Variants in PLB1 observed in about 807,000 individuals in gnomAD.
The protein encoded by PLB1 is phospholipase B1, membrane-associated.
In PLB1, 242 loss-of-function variants were observed where a neutral mutation model predicts 227.4. The observed-to-expected ratio is 1.06, with a 90% CI of 0.96 to 1.18. The LOEUF (loss-of-function observed/expected upper bound fraction) is 1.18, where lower values mean the gene tolerates loss of function less well. Among genes scored for constraint, PLB1 ranks in the 50% most tolerant of loss-of-function variants. The pLI, the probability that PLB1 is intolerant of heterozygous loss-of-function variation, is 0.00. For missense variants in PLB1, 1,858 were observed against 1,816.3 expected, an observed-to-expected ratio of 1.02 and a Z score of -0.42; for synonymous variants, 757 against 682.2, an observed-to-expected ratio of 1.11 and a Z score of -1.71.
At chr2:28,512,607 T>A (rs941581238) in intron 1 of PLB1, among the ~76,000 whole-genome samples, 1 of 151,648 alleles carries the variant, frequency 6.6e-6, no homozygotes, top group African/African-American at 2.4e-5. Context: ...ATAACTTGCC[T>A]GGACTTAAAC....
chr2:28,500,777 C>G (rs1193576668), intron 1 of PLB1, among the ~76,000 whole-genome samples: 1 of 152,114 alleles, frequency 6.6e-6, no homozygotes, highest in East Asian at 1.9e-4. Flanking sequence ...AAAAGAAATT[C>G]ACTTATGGAC....
chr2:28,520,787 A>G (rs536521400), intron 4 of PLB1, among the ~76,000 whole-genome samples: 10 of 152,282 alleles, frequency 6.6e-5, no homozygotes, highest in African/African-American at 2.4e-4. Context: ...AGCCTGTCCA[A>G]CATGGTGAAA....
At position 28,599,889 on chromosome 2, in the gene PLB1, C is replaced by T. The variant is rs1231779135; in HGVS notation, c.2475-920C>T. On this transcript the variant is annotated intron_variant, in intron 35 of 57. Transcript: ENST00000327757. ...CTTGCCTCCCAAAGTACTTGGATTA[C>T]AGGCATGAGCCACTGCACCTGGCCT... 2.6e-5 allele frequency among the ~76,000 whole-genome samples: 4 copies of T among 152,130 alleles called. No individual in the cohort carries two copies. In the East Asian group the frequency reaches 7.7e-4, roughly 29 times the overall value.
chr2:28,630,455 G>A (rs761473404), intron 53 of PLB1, 131 bp from the exon 54 acceptor site: 37 of 652,992 alleles, frequency 5.7e-5, no homozygotes, highest in Non-Finnish European at 8.3e-5. Flanking sequence ...GTCACCCCCC[G>A]CCCTAGGTAA....
At position 28,574,395 on chromosome 2, in the gene PLB1, T is replaced by G. The variant is rs1409830285; in HGVS notation, c.1433+1090T>G. On this transcript the variant is annotated intron_variant, in intron 21 of 57. Transcript: ENST00000327757. ...TCCATTATATCATTCTTTTTTTTTT[T>G]TTTTTGAGACAGGGTCTTGCTCTGT... Among the ~76,000 whole-genome samples, 4 of 139,740 alleles carry G rather than the reference T, an allele frequency of 2.9e-5. No individual in the cohort carries two copies. In the East Asian group the frequency reaches 8.2e-4, roughly 29 times the overall value. The allele number at this position is 139,740 out of a possible 152,430, so 91.7% of individuals were successfully genotyped here. A position where few individuals can be genotyped will look rare whatever the true frequency, so the allele number is the denominator to read the frequency against.
At chr2:28,521,668 A>G (rs987604812) in intron 4 of PLB1, among the ~76,000 whole-genome samples, 1 of 152,200 alleles carries the variant, frequency 6.6e-6, no homozygotes. Context: ...GAACAGAGAA[A>G]GAGGGATCTG....
chr2:28,626,355 C>T (rs540768783), intron 50 of PLB1, 73 bp from the exon 51 acceptor site: 80 of 1,281,940 alleles, frequency 6.2e-5, no homozygotes, highest in Admixed American at 3.8e-4. Context: ...GGAGGGCGGG[C>T]GGGCTGGCCC....
At chr2:28,502,025 A>G (rs987786936) in intron 1 of PLB1, among the ~76,000 whole-genome samples, 4 of 152,204 alleles carry the variant, frequency 2.6e-5, no homozygotes, top group African/African-American at 9.6e-5. Context: ...GGGTGAACAC[A>G]CATATAGATT....
chr2:28,501,331 A>G (rs1667074563), intron 1 of PLB1, among the ~76,000 whole-genome samples: 1 of 152,198 alleles, frequency 6.6e-6, no homozygotes, highest in Non-Finnish European at 1.5e-5. Context: ...ACAACAAATG[A>G]AGTTCAAAAT....
chr2:28,604,221 GCC>G (rs2148303517), intron 40 of PLB1, among the ~76,000 whole-genome samples, 174 bp downstream of exon 40: 1 of 152,314 alleles, frequency 6.6e-6, no homozygotes, highest in Non-Finnish European at 1.5e-5. Context: ...TGTCTCAGGT[GCC>G]CTGGTTGGAA....
chr2:28,589,875 A>G (rs1681584113), intron 28 of PLB1, 105 bp downstream of exon 28: 7 of 1,348,986 alleles, frequency 5.2e-6, no homozygotes, highest in East Asian at 4.6e-5. Context: ...ATGTGATTCT[A>G]TGCACGGCAA....
intron 13 of PLB1, among the ~76,000 whole-genome samples, chr2:28,542,389 T>C (rs1465731088): frequency 6.6e-6 from 1 of 152,092 alleles, no homozygotes; most frequent in African/African-American, 2.4e-5. Context: ...CTTCCCCTCC[T>C]AGCTCTGGGG....
At chr2:28,610,960 C>T (rs965021330) in intron 43 of PLB1, among the ~76,000 whole-genome samples, 3 of 152,182 alleles carry the variant, frequency 2.0e-5, no homozygotes, top group African/African-American at 4.8e-5. Context: ...CCCTCTTTCA[C>T]GTCATCTGCT....
chr2:28,626,425 C>T lies in PLB1; in HGVS notation c.3580-3C>T, dbSNP rs1687787057. 2 of 1,613,570 alleles carry T rather than the reference C, an allele frequency of 1.2e-6. No homozygotes were observed. The highest frequency in any genetic ancestry group is 1.7e-6 in the Non-Finnish European group (2 of 1,179,442). ...CTAAACTCAGGATCTTCTGTCCCCTCAGGACATCAACCTGGAGAAAGACTG... is the reference window on the plus strand; with the variant it reads ...CTAAACTCAGGATCTTCTGTCCCCTTAGGACATCAACCTGGAGAAAGACTG... On this transcript the variant is annotated splice_polypyrimidine_tract_variant and splice_region_variant and intron_variant, in intron 50 of 57. Transcript: ENST00000327757.
At chr2:28,627,749 A>C (rs1200684815) in intron 51 of PLB1, among the ~76,000 whole-genome samples, 12 of 152,166 alleles carry the variant, frequency 7.9e-5, no homozygotes. Context: ...TCGTCTCCAG[A>C]AAAAATAATG....
At chr2:28,571,051 A>G (rs1186435922) in intron 20 of PLB1, among the ~76,000 whole-genome samples, 1 of 152,238 alleles carries the variant, frequency 6.6e-6, no homozygotes, top group African/African-American at 2.4e-5. Context: ...AACCACTTCT[A>G]TTTAAAGATG....
intron 43 of PLB1, among the ~76,000 whole-genome samples, chr2:28,612,773 T>C (rs981183236): frequency 9.9e-5 from 13 of 131,282 alleles, no homozygotes; most frequent in African/African-American, 3.9e-4. Context: ...ACCTGGATTT[T>C]TTTTTTTTTT....
At chr2:28,601,790 G>C in intron 37 of PLB1, 109 bp from the exon 38 acceptor site, 3 of 916,912 alleles carry the variant, frequency 3.3e-6, no homozygotes, top group Non-Finnish European at 5.4e-6. Flanking sequence ...CTGGAGGCTA[G>C]AGGGGGAACA....
chr2:28,582,238 G>A, intron 24 of PLB1, 105 bp downstream of exon 24: 3 of 1,368,324 alleles, frequency 2.2e-6, no homozygotes, highest in South Asian at 1.2e-5. Flanking sequence ...CTTTGTTGTG[G>A]ATCCCAGCCC....
Sources: gnomAD v4.1 joint callset for allele counts (sites outside exome capture counted in the v4.1 genomes callset) on GRCh38, gnomAD v4.1.1 for gene constraint, MANE v1.5 for transcripts, NCBI Gene and HGNC (gene_info 2026-07-23, HGNC 2026-07-21) for gene names.